CAPZB: variants seen among roughly 807,000 people sequenced by gnomAD.
CAPZB encodes the protein capping actin protein of muscle Z-line subunit beta, also known as F-actin-capping protein subunit beta.
Under a neutral mutation model 38.1 loss-of-function variants are expected in CAPZB, and 2 were observed. The ratio of observed to expected loss-of-function variants is 0.05; its 90% confidence interval spans 0.02 to 0.17. The LOEUF is 0.17. CAPZB is among the 10% of genes least tolerant of loss of function. The pLI is 1.00. For synonymous variants in CAPZB, 107 were observed against 127.4 expected (o/e 0.84, Z 1.08); for missense variants, 161 against 334.2 (o/e 0.48, Z 4.04).
chr1:19,362,171 G>A (rs758366402), intron 4 of CAPZB, among the ~76,000 whole-genome samples: 1 of 147,838 alleles, frequency 6.8e-6, no homozygotes, highest in Non-Finnish European at 1.5e-5. Flanking sequence ...TGGTCAAGGA[G>A]GTAGAAGGGG....
chr1:19,342,834 C>T (rs2093938000), intron 8 of CAPZB: 2 of 1,611,336 alleles, frequency 1.2e-6, no homozygotes, highest in African/African-American at 2.7e-5. Context: ...ACTGCTTAAA[C>T]TTTTGGTTGT....
At chr1:19,467,301 C>A (rs183051924) in intron 1 of CAPZB, among the ~76,000 whole-genome samples, 1 of 152,198 alleles carries the variant, frequency 6.6e-6, no homozygotes, top group Non-Finnish European at 1.5e-5. Flanking sequence ...CTCATTCCTG[C>A]AGTGCAGCAG....
chr1:19,480,195 G>C (rs2094622543), intron 1 of CAPZB, among the ~76,000 whole-genome samples: 1 of 152,142 alleles, frequency 6.6e-6, no homozygotes, highest in Non-Finnish European at 1.5e-5. Flanking sequence ...TCCCAGATTA[G>C]AGGACAGGGA....
chr1:19,468,074 G>C (rs1336388946), intron 1 of CAPZB, among the ~76,000 whole-genome samples: 2 of 152,188 alleles, frequency 1.3e-5, no homozygotes, highest in Non-Finnish European at 2.9e-5. Context: ...CTGCACTCCA[G>C]CCTGGGTGAC....
At chr1:19,475,428 T>A (rs957796285) in intron 1 of CAPZB, among the ~76,000 whole-genome samples, 10 of 152,168 alleles carry the variant, frequency 6.6e-5, no homozygotes, top group African/African-American at 2.2e-4. Context: ...GCGCCCACCA[T>A]GTGCACAGCG....
At chr1:19,396,773 T>C (rs1333249778) in intron 2 of CAPZB, among the ~76,000 whole-genome samples, 2 of 132,098 alleles carry the variant, frequency 1.5e-5, no homozygotes, top group Non-Finnish European at 3.2e-5. Flanking sequence ...AAACCCCACC[T>C]CTAATAAAAA....
intron 1 of CAPZB, among the ~76,000 whole-genome samples, chr1:19,456,839 A>AG (rs2094534628): frequency 1.3e-5 from 2 of 152,196 alleles, no homozygotes; most frequent in African/African-American, 2.4e-5. Context: ...AATCTCAAAC[A>AG]CAACTTCAGC....
intron 1 of CAPZB, among the ~76,000 whole-genome samples, chr1:19,457,510 G>C (rs1404569908): frequency 6.6e-6 from 1 of 152,166 alleles, no homozygotes; most frequent in Non-Finnish European, 1.5e-5. Context: ...TAAGCACATG[G>C]CTCAAAGGTG....
chr1:19,399,601 C>T (rs188148095), intron 2 of CAPZB, among the ~76,000 whole-genome samples: 116 of 152,290 alleles, frequency 7.6e-4, no homozygotes, highest in African/African-American at 2.7e-3. Context: ...TCCCTGGTCT[C>T]TGCAATGGAT....
At chr1:19,435,352 G>A (rs2094454919) in intron 1 of CAPZB, among the ~76,000 whole-genome samples, 2 of 147,974 alleles carry the variant, frequency 1.4e-5, no homozygotes, top group South Asian at 2.1e-4. Context: ...ATCCTTCCAT[G>A]AGCAAAAAGA....
At position 19,356,580 on chromosome 1, in the gene CAPZB, C is replaced by T; in HGVS notation, c.588+55G>A. ...CTGCTCACTCATCTCTGCAGGTCAGCACTGAGGCCAGCACCTGTGGGCACT... is the reference window on the plus strand; with the variant it reads ...CTGCTCACTCATCTCTGCAGGTCAGTACTGAGGCCAGCACCTGTGGGCACT... On this transcript the variant is annotated intron_variant, in intron 6 of 8. Transcript: ENST00000264202. The surrounding 1 kb of genome is among the most constrained non-coding windows in gnomAD (Gnocchi z 4.3). 1 of 1,151,888 alleles carries T rather than the reference C, an allele frequency of 8.7e-7. No homozygotes were observed. Among genetic ancestry groups the T allele is most frequent in the Non-Finnish European group, 1.3e-6 (1 of 757,686 alleles). The allele number at this position is 1,151,888 out of a possible 1,614,324, so 71.4% of individuals were successfully genotyped here.
intron 1 of CAPZB, among the ~76,000 whole-genome samples, chr1:19,457,787 T>A (rs1051457545): frequency 6.6e-6 from 1 of 152,162 alleles, no homozygotes; most frequent in Non-Finnish European, 1.5e-5. Flanking sequence ...ACGGTAACGT[T>A]ACTCCTGGGA....
chr1:19,342,416 C>T lies in CAPZB; in HGVS notation c.731+1942G>A, dbSNP rs192564258. On this transcript the variant is annotated intron_variant, in intron 8 of 8. Coordinates refer to ENST00000264202, the MANE Select transcript of CAPZB (RefSeq NM_004930.5). ...GGGGTGGACGGCAGGCAGATCCCTG[C>T]CCTGGGGACAGTCAGGCCGGTGCAC... is the stretch of plus-strand genomic sequence containing the variant. Among the ~76,000 whole-genome samples, 877 of 152,368 alleles carry T rather than the reference C, an allele frequency of 5.8e-3. 6 individuals are homozygous for T. The highest frequency in any genetic ancestry group is 0.019 in the African/African-American group (794 of 41,574).
rs540462614 is a variant in CAPZB at position 19,442,515 on chromosome 1, G to A, written c.4-22765C>T. Among the ~76,000 whole-genome samples, 12 of 152,226 alleles carry A rather than the reference G, an allele frequency of 7.9e-5. No homozygotes were observed. The South Asian group carries it at 1.7e-3, about 21-fold the overall frequency. The stretch of plus-strand genomic sequence containing the variant: ...CAACACTAACTTAAAGTTCCCTTAC[G>A]GTAAGGCCTGGTTGCCACCTACTCC... On this transcript the variant is annotated intron_variant, in intron 1 of 8. Transcript: ENST00000264202.
chr1:19,482,758 C>G (rs2094634337), intron 1 of CAPZB, among the ~76,000 whole-genome samples: 1 of 152,192 alleles, frequency 6.6e-6, no homozygotes, highest in Admixed American at 6.5e-5. Context: ...TATTCTCTAC[C>G]ATCAAATCTA....
intron 1 of CAPZB, among the ~76,000 whole-genome samples, chr1:19,425,488 A>G (rs2094419077): frequency 6.6e-6 from 1 of 152,112 alleles, no homozygotes; most frequent in Admixed American, 6.6e-5. Context: ...GATGTCAAAT[A>G]ATAAGGAGGG....
chr1:19,408,160 G>C (rs1220453903), intron 2 of CAPZB, among the ~76,000 whole-genome samples: 1 of 152,222 alleles, frequency 6.6e-6, no homozygotes, highest in African/African-American at 2.4e-5. Context: ...GCTGGGACTT[G>C]GTTCACCTGT....
In CAPZB at chr1:19,472,709, A is replaced by ATTTTTT. The variant is rs11334966; in HGVS notation, c.3+12721_3+12726dup. Among the ~76,000 whole-genome samples, 12 of 61,166 alleles carry ATTTTTT rather than the reference A, an allele frequency of 2.0e-4. 1 individual carries two copies. The highest frequency in any genetic ancestry group is 6.9e-4 in the African/African-American group (10 of 14,408). 40.1% of individuals were successfully genotyped at this position (61,166 alleles called of 152,430 possible). Reference sequence around the variant, plus strand: ...TGCAACTACTGCGCTTTCATTCTTCATTTTTTTTTTTTTTTTTTTTTTTTT... The same window carrying ATTTTTT: ...TGCAACTACTGCGCTTTCATTCTTCATTTTTTTTTTTTTTTTTTTTTTTTTTTTTTT... On this transcript the variant is annotated intron_variant, in intron 1 of 8. Transcript: ENST00000264202.
chr1:19,438,238 A>G (rs1172181773), intron 1 of CAPZB, among the ~76,000 whole-genome samples: 1 of 152,180 alleles, frequency 6.6e-6, no homozygotes. Flanking sequence ...GCGATCAGAG[A>G]CGGGAGGCTG....
Sources: allele counts gnomAD v4.1 joint callset (sites outside exome capture counted in the v4.1 genomes callset), GRCh38; gene constraint gnomAD v4.1.1; non-coding constraint Gnocchi (gnomAD v3.1); transcripts MANE v1.5; gene names NCBI Gene and HGNC (gene_info 2026-07-23, HGNC 2026-07-21).